The following PTPN21 variants were observed in gnomAD, a reference collection of about 807,000 sequenced individuals.
The protein encoded by PTPN21 is tyrosine-protein phosphatase non-receptor type 21.
In PTPN21, 77 loss-of-function variants were observed where a neutral mutation model predicts 131.8. The ratio of observed to expected loss-of-function variants is 0.58; its 90% CI spans 0.49 to 0.71. The LOEUF (loss-of-function observed/expected upper bound fraction) is 0.71, where lower values mean the gene tolerates loss of function less well. Ranked by LOEUF, PTPN21 falls within the 30% of genes least tolerant of loss-of-function variation. The probability of loss-of-function intolerance (pLI) is 0.00; values close to 1 mark genes in which losing one functional copy is unlikely to be tolerated. For missense variants in PTPN21, 1,552 were observed against 1,527.1 expected (o/e 1.02, Z -0.27); for synonymous variants, 715 against 621.3 (o/e 1.15, Z -2.24).
chr14:88,473,966 T>G, intron 13 of PTPN21, 164 bp from the exon 14 acceptor site: 1 of 573,308 alleles, frequency 1.7e-6, no homozygotes, highest in East Asian at 3.2e-5. Context: ...TTAACAAACA[T>G]TAGTAGGAAG....
intron 10 of PTPN21, among the ~76,000 whole-genome samples, chr14:88,491,682 G>A (rs999332679): frequency 3.9e-5 from 6 of 152,050 alleles, no homozygotes; most frequent in Admixed American, 1.3e-4. Flanking sequence ...GGAAACAAAC[G>A]CTCACAATGA....
chr14:88,545,000 T>C lies in PTPN21; in HGVS notation c.180+5238A>G, dbSNP rs191649863. ...ACACCATCACGCATGGGTAATTTTT[T>C]TGTATTTTTAGTAGAGATGGGGTTT... On this transcript the variant is annotated intron_variant, in intron 2 of 18. Coordinates refer to ENST00000556564, the MANE Select transcript of PTPN21 (RefSeq NM_007039.4). 1.2e-3 allele frequency among the ~76,000 whole-genome samples: 187 copies of C among 152,152 alleles called. 4 individuals carry two copies. Among genetic ancestry groups the C allele is most frequent in the African/African-American group, 4.3e-3 (178 of 41,512 alleles).
At position 88,478,971 on chromosome 14, in the gene PTPN21, C is replaced by A. The variant is rs1029864391; in HGVS notation, c.2460G>T (p.Ser820=). The change falls in exon 13 of 19, where the codon TCG becomes TCT. Residue 820 remains serine (S), a synonymous_variant. Coordinates refer to ENST00000556564, the MANE Select transcript of PTPN21 (RefSeq NM_007039.4). ...TGTTCTTCTTCCCAGAGAGAAGGTC[C>A]GACACCGGCCTTTTCTTCAGAGAGT... ...RRDSLKKRPV[S]DLLSGKKNIV... is the part of the protein sequence containing the mutation. 2 of 1,551,924 alleles carry A rather than the reference C, an allele frequency of 1.3e-6. No individual in the cohort carries two copies. Among genetic ancestry groups the A allele is most frequent in the Non-Finnish European group, 8.7e-7 (1 of 1,149,812 alleles).
In PTPN21 at chr14:88,479,131, G is replaced by A. The variant is rs749109098; in HGVS notation, c.2300C>T (p.Ala767Val). 8 of 1,555,132 alleles carry A rather than the reference G, an allele frequency of 5.1e-6. No homozygotes were observed. The highest frequency in any genetic ancestry group is 4.6e-5 in the East Asian group (2 of 43,892). ...GCTGCTGTCCATCATCCTCTTCTCC[G>A]CGTCTGGGACGTGGGCCTTGGGCTC... ...ILEPKAHVPD[A>V]EKRMMDSSPV... The change falls in exon 13 of 19, where the codon GCG becomes GTG. Residue 767 changes from alanine (A) to valine (V), a missense_variant. Ala to Val is a moderately conservative substitution (Grantham distance 64). This residue lies in a region of PTPN21 where 1,016 missense variants were observed against 883.5 expected (regional missense o/e 1.15). Transcript: ENST00000556564.
intron 10 of PTPN21, 88 bp from the exon 11 acceptor site, chr14:88,485,930 ATCT>A (rs2140108678): frequency 2.5e-6 from 2 of 803,898 alleles, no homozygotes; most frequent in East Asian, 2.7e-5. Context: ...AAAATAATAA[ATCT>A]TCTCAGGCAA....
At chr14:88,474,964 T>C (rs1360427216) in intron 13 of PTPN21, among the ~76,000 whole-genome samples, 1 of 152,024 alleles carries the variant, frequency 6.6e-6, no homozygotes, top group Non-Finnish European at 1.5e-5. Flanking sequence ...TGGTGGCACA[T>C]GCCTGTAATC....
intron 14 of PTPN21, among the ~76,000 whole-genome samples, chr14:88,472,944 G>C (rs527364252): frequency 2.0e-5 from 3 of 152,244 alleles, no homozygotes; most frequent in Non-Finnish European, 2.9e-5. Flanking sequence ...CAATCATTTT[G>C]GTGAGAAATA....
At chr14:88,501,737 G>A (rs936906975) in intron 6 of PTPN21, among the ~76,000 whole-genome samples, 2 of 152,038 alleles carry the variant, frequency 1.3e-5, no homozygotes, top group African/African-American at 4.8e-5. Context: ...GCAGCACCTT[G>A]GGAAGCCAAG....
chr14:88,507,263 T>C lies in PTPN21; in HGVS notation c.448+660A>G, dbSNP rs149810337. Among the ~76,000 whole-genome samples the C allele has an allele frequency of 3.8e-3, 584 of 152,310 alleles. 7 individuals carry two copies. Among genetic ancestry groups the C allele is most frequent in the African/African-American group, 0.014 (566 of 41,562 alleles). On this transcript the variant is annotated intron_variant, in intron 4 of 18. Coordinates refer to ENST00000556564, the MANE Select transcript of PTPN21 (RefSeq NM_007039.4). ...AGACAAAGTCTTTGAACTAGATGAATACATAGCATAGTATTAATAAATGTA... is the reference window on the plus strand; with the variant it reads ...AGACAAAGTCTTTGAACTAGATGAACACATAGCATAGTATTAATAAATGTA...
intron 12 of PTPN21, among the ~76,000 whole-genome samples, chr14:88,484,503 C>G (rs530355458): frequency 6.6e-6 from 1 of 151,922 alleles, no homozygotes; most frequent in African/African-American, 2.4e-5. Context: ...CCTGGGAATT[C>G]TTTGTCAGAT....
At position 88,472,484 on chromosome 14, in the gene PTPN21, G is replaced by T; in HGVS notation, c.2650-19C>A. ...TTTTACACTATAAAACAGAATATGT[G>T]TAATAACATGAATACAGCCACACGT... On this transcript the variant is annotated intron_variant, in intron 14 of 18. Coordinates refer to ENST00000556564, the MANE Select transcript of PTPN21 (RefSeq NM_007039.4). The T allele has an allele frequency of 6.7e-7, 1 of 1,484,524 alleles. No individual in the cohort carries two copies. Among genetic ancestry groups the T allele is most frequent in the Non-Finnish European group, 9.4e-7 (1 of 1,064,676 alleles). The allele number at this position is 1,484,524 out of a possible 1,614,324, so 92.0% of individuals were successfully genotyped here.
At chr14:88,478,873 G>C in intron 13 of PTPN21, 47 bp downstream of exon 13, 4 of 1,316,796 alleles carry the variant, frequency 3.0e-6, no homozygotes, top group Non-Finnish European at 4.0e-6. Context: ...AAGCGCCAGG[G>C]CGAACGCGCG....
intron 3 of PTPN21, chr14:88,514,996 C>T (rs1001147499): frequency 6.6e-6 from 1 of 152,160 alleles, no homozygotes; most frequent in African/African-American, 2.4e-5. Flanking sequence ...TAGGAAACCA[C>T]TCATCTGCTT....
chr14:88,506,082 A>T (rs1330535295), intron 4 of PTPN21, among the ~76,000 whole-genome samples: 1 of 152,180 alleles, frequency 6.6e-6, no homozygotes. Context: ...GCTCACACCT[A>T]TAATCCCAGC....
Position 88,479,734 on chromosome 14 carries a change from G to GA in PTPN21, c.1696_1697insT (p.Pro566LeufsTer133). ...GGGCCTGGGGGGCGGGTAGGGTGGG[G>GA]GTGGCCGGTACACCTGCGTCCGCAT... On this transcript the variant is annotated frameshift_variant, in exon 13 of 19. Transcript: ENST00000556564. LOFTEE classifies it high-confidence loss of function. 1 of 1,417,752 alleles carries GA rather than the reference G, an allele frequency of 7.1e-7. No individual in the cohort carries two copies. The highest frequency in any genetic ancestry group is 9.5e-7 in the Non-Finnish European group (1 of 1,053,152). 87.8% of individuals were successfully genotyped at this position (1,417,752 alleles called of 1,614,324 possible).
chr14:88,502,743 A>G (rs1367893808), intron 6 of PTPN21, among the ~76,000 whole-genome samples: 1 of 152,188 alleles, frequency 6.6e-6, no homozygotes, highest in Non-Finnish European at 1.5e-5. Context: ...TCTGCTGTCC[A>G]GCAGAAGGTA....
Position 88,485,125 on chromosome 14 carries a change from C to CATCTAT in PTPN21, c.1028_1029insATAGAT (p.Pro343_Gln344insTer). The CATCTAT allele has an allele frequency of 6.2e-7, 1 of 1,606,100 alleles. No homozygotes were observed. Among genetic ancestry groups the CATCTAT allele is most frequent in the East Asian group, 2.2e-5 (1 of 44,470 alleles). ...TATAATGTCCATTATAGTGCAACTG[C>CATCTAT]GGTGGGGGAGGCATCACGTAGGGCT... On this transcript the variant is annotated stop_gained and inframe_insertion, in exon 12 of 19. Coordinates refer to ENST00000556564, the MANE Select transcript of PTPN21 (RefSeq NM_007039.4). LOFTEE classifies it high-confidence loss of function.
In PTPN21 at chr14:88,537,140, T is replaced by G. The variant is rs77371491; in HGVS notation, c.180+13098A>C. 2.0e-4 allele frequency among the ~76,000 whole-genome samples: 31 copies of G among 152,328 alleles called. No individual in the cohort carries two copies. In the East Asian group the frequency reaches 5.2e-3, roughly 26 times the overall value. On this transcript the variant is annotated intron_variant, in intron 2 of 18. Coordinates refer to ENST00000556564, the MANE Select transcript of PTPN21 (RefSeq NM_007039.4). ...TACTCTATTACAACTAAATGAAGACTCAAGAAAATAATCAAGAGTACATCT... is the reference window on the plus strand; with the variant it reads ...TACTCTATTACAACTAAATGAAGACGCAAGAAAATAATCAAGAGTACATCT...
At position 88,480,043 on chromosome 14, in the gene PTPN21, A is replaced by G. The variant is rs1450486214; in HGVS notation, c.1388T>C (p.Val463Ala). ...CGAGTGGCTCTGCCGTTCCGCATGC[A>G]CCAGGCCCCTGTTGAGCTGCTTCAT... is the stretch of plus-strand genomic sequence containing the variant. Reference protein sequence around the residue: ...TVMKQLNRGLVHAERQSHSLR... With the variant: ...TVMKQLNRGLAHAERQSHSLR... Residue 463 changes from valine to alanine, a missense_variant, in exon 13 of 19, where the codon GTG becomes GCG. Transcript: ENST00000556564. 6.2e-7 allele frequency: 1 copy of G among 1,614,034 alleles called. No individual in the cohort carries two copies. The highest frequency in any genetic ancestry group is 8.5e-7 in the Non-Finnish European group (1 of 1,180,040).
Sources: allele counts gnomAD v4.1 joint callset (sites outside exome capture counted in the v4.1 genomes callset), GRCh38; gene constraint gnomAD v4.1.1; regional missense constraint gnomAD v4.1.1; transcripts MANE v1.5; gene names NCBI Gene and HGNC (gene_info 2026-07-23, HGNC 2026-07-21).